HAS2: variants seen among roughly 807,000 people sequenced by gnomAD.
The protein encoded by HAS2 is hyaluronan synthase 2, also known as HA synthase 2.
Under a neutral mutation model 51.6 loss-of-function variants are expected in HAS2, and 16 were observed. The ratio of observed to expected loss-of-function variants is 0.31; its 90% CI spans 0.21 to 0.47. HAS2 has a LOEUF of 0.47. Among genes scored for constraint, HAS2 ranks in the 20% least tolerant of loss-of-function variants. The pLI is 1.00. For synonymous variants in HAS2, 228 were observed against 235.5 expected (o/e 0.97, Z 0.29); for missense variants, 361 against 662.6 (o/e 0.54, Z 5.00).
At chr8:121,616,545 CTT>C (rs1483497560) in intron 3 of HAS2, among the ~76,000 whole-genome samples, 5 of 151,522 alleles carry the variant, frequency 3.3e-5, no homozygotes, top group African/African-American at 7.3e-5. Flanking sequence ...CAAGAATTCT[CTT>C]GTCTCAGCCT....
At chr8:121,629,697 C>T (rs1379247357) in intron 1 of HAS2, among the ~76,000 whole-genome samples, 1 of 152,062 alleles carries the variant, frequency 6.6e-6, no homozygotes, top group Non-Finnish European at 1.5e-5. Flanking sequence ...AGGCAGGGAC[C>T]CTGAAGTTTC....
intron 2 of HAS2, 32 bp downstream of exon 2, chr8:121,628,682 A>C: frequency 6.3e-7 from 1 of 1,596,476 alleles, no homozygotes; most frequent in Non-Finnish European, 8.5e-7. Context: ...ATTTAAATGT[A>C]TGTTTGCCCT....
chr8:121,612,793 G>A lies in HAS2; in HGVS notation c.*1316C>T, dbSNP rs953422329. On this transcript the variant is annotated 3_prime_UTR_variant, in exon 4 of 4. Coordinates refer to ENST00000303924, the MANE Select transcript of HAS2 (RefSeq NM_005328.3). Reference sequence around the variant, plus strand: ...AACAGGAAATAGGAAGTGATGATCTGTGTAATTCAGAAAAACAAAATTCCT... The same window carrying A: ...AACAGGAAATAGGAAGTGATGATCTATGTAATTCAGAAAAACAAAATTCCT... 1.3e-5 allele frequency: 2 copies of A among 152,108 alleles called. No individual in the cohort carries two copies. The highest frequency in any genetic ancestry group is 2.4e-5 in the African/African-American group (1 of 41,426). The allele number at this position is 152,108 out of a possible 1,614,324, so 9.4% of individuals were successfully genotyped here. A position where few individuals can be genotyped will look rare whatever the true frequency, so the allele number is the denominator to read the frequency against.
chr8:121,635,290 A>G (rs1812994126), intron 1 of HAS2, among the ~76,000 whole-genome samples: 2 of 152,178 alleles, frequency 1.3e-5, no homozygotes, highest in South Asian at 4.1e-4. Context: ...CTCCATCTAT[A>G]AAATGGAGCT....
chr8:121,616,358 A>G (rs1330756847), intron 3 of HAS2, among the ~76,000 whole-genome samples: 1 of 151,590 alleles, frequency 6.6e-6, no homozygotes, highest in Non-Finnish European at 1.5e-5. Flanking sequence ...AATCAACCAC[A>G]TATTGATCAT....
At chr8:121,617,308 G>C (rs1812716903) in intron 2 of HAS2, 102 bp from the exon 3 acceptor site, 2 of 651,908 alleles carry the variant, frequency 3.1e-6, no homozygotes. Flanking sequence ...TCATCTTACT[G>C]TCACAAGGCC....
rs1184283602 is a variant in HAS2 at position 121,615,160 on chromosome 8, G to T, written c.730-122C>A. The T allele has an allele frequency of 1.2e-5, 8 of 648,638 alleles. No homozygotes were observed. The South Asian group carries it at 1.3e-4, about 11-fold the overall frequency. The allele number at this position is 648,638 out of a possible 1,614,324, so 40.2% of individuals were successfully genotyped here. On this transcript the variant is annotated intron_variant, in intron 3 of 3. Coordinates refer to ENST00000303924, the MANE Select transcript of HAS2 (RefSeq NM_005328.3). ...TATTTTATCCTCCCATTTTGGCTTC[G>T]TTCCTCTTTTTGGCGTGGTTATTTT...
intron 3 of HAS2, among the ~76,000 whole-genome samples, chr8:121,616,518 C>A (rs1279403619): frequency 6.6e-6 from 1 of 151,446 alleles, no homozygotes; most frequent in African/African-American, 2.4e-5. Context: ...CTCATTGCAA[C>A]CTCCACCTCC....
At chr8:121,637,099 A>G (rs1175210136) in intron 1 of HAS2, among the ~76,000 whole-genome samples, 1 of 152,224 alleles carries the variant, frequency 6.6e-6, no homozygotes, top group Non-Finnish European at 1.5e-5. Context: ...CCTGAAACAT[A>G]CTAGACATGT....
At chr8:121,630,056 T>C (rs1812909793) in intron 1 of HAS2, among the ~76,000 whole-genome samples, 1 of 151,630 alleles carries the variant, frequency 6.6e-6, no homozygotes, top group African/African-American at 2.4e-5. Flanking sequence ...GTACCCTGCA[T>C]AGATGTCTAT....
chr8:121,617,146 C>T lies in HAS2; in HGVS notation c.688G>A (p.Glu230Lys). ...ASSVEMVKVLEEDPMVGGVGG... is the reference protein window; with the variant it reads ...ASSVEMVKVLKEDPMVGGVGG... The stretch of plus-strand genomic sequence containing the variant: ...ACACCTCCAACCATGGGATCTTCTT[C>T]TAAAACTTTTACCATCTCCACAGAT... Residue 230 changes from glutamate (E) to lysine (K), a missense_variant, in exon 3 of 4, where the codon GAA becomes AAA. Physicochemically the swap from Glu to Lys is moderately conservative, Grantham distance 56. Around this residue, in one of 5 missense-constraint regions of HAS2, gnomAD observed 49 missense variants for 108.3 expected, o/e 0.45. Coordinates refer to ENST00000303924, the MANE Select transcript of HAS2 (RefSeq NM_005328.3). The T allele has an allele frequency of 6.2e-7, 1 of 1,612,572 alleles. No individual in the cohort carries two copies. Among genetic ancestry groups the T allele is most frequent in the Non-Finnish European group, 8.5e-7 (1 of 1,178,606 alleles).
chr8:121,614,557 C>T lies in HAS2; in HGVS notation c.1211G>A (p.Trp404Ter). The T allele has an allele frequency of 6.2e-7, 1 of 1,614,088 alleles. No individual in the cohort carries two copies. The highest frequency in any genetic ancestry group is 8.5e-7 in the Non-Finnish European group (1 of 1,179,984). ...VIQLFYRGKI[W>*]NILLFLLTVQ... Reference sequence around the variant, plus strand: ...AGTTAACAAGAAGAGGAGAATGTTCCAAATTTTACCCCGGTAGAAGAGCTG... The same window carrying T: ...AGTTAACAAGAAGAGGAGAATGTTCTAAATTTTACCCCGGTAGAAGAGCTG... The change falls in exon 4 of 4, where the codon TGG becomes TAG. Residue 404 changes from tryptophan to a stop codon, truncating the protein, a stop_gained. Transcript: ENST00000303924. LOFTEE classifies it high-confidence loss of function. The surrounding 1 kb of genome is among the most constrained non-coding windows in gnomAD (Gnocchi z 7.2).
intron 2 of HAS2, among the ~76,000 whole-genome samples, chr8:121,618,614 C>G (rs73708099): frequency 0.045 from 6,831 of 152,252 alleles, 567 homozygotes; most frequent in African/African-American, 0.16. Context: ...CCCTATCCCT[C>G]CAACATTTAC....
Position 121,614,203 on chromosome 8 carries a change from T to C in HAS2, c.1565A>G (p.Tyr522Cys), listed in dbSNP as rs757285235. 1.4e-5 allele frequency: 22 copies of C among 1,613,982 alleles called. No homozygotes were observed. In the East Asian group the frequency reaches 4.9e-4, roughly 36 times the overall value. The part of the protein sequence containing the change: ...LIVGTLLYAC[Y>C]WVMLLTLYVV... ...ATACAGCGTCAAAAGCATGACCCAA[T>C]AGCATGCATAGAGCAACGTTCCAAC... The change falls in exon 4 of 4, where the codon TAT becomes TGT. Residue 522 changes from tyrosine (Y) to cysteine (C), a missense_variant. Transcript: ENST00000303924. The surrounding 1 kb of genome is among the most constrained non-coding windows in gnomAD (Gnocchi z 7.2).
At position 121,629,329 on chromosome 8, in the gene HAS2, C is replaced by G; in HGVS notation, c.12G>C (p.Glu4Asp). MHCERFLCILRIIG... is the reference protein window; with the variant it reads MHCDRFLCILRIIG... Reference sequence around the variant, plus strand: ...TTATTCTCAGGATACATAGAAACCTCTCACAATGCATCTGTAATATAATCA... The same window carrying G: ...TTATTCTCAGGATACATAGAAACCTGTCACAATGCATCTGTAATATAATCA... Residue 4 changes from glutamate to aspartate, a missense_variant, in exon 2 of 4, where the codon GAG becomes GAC. By Grantham distance (45) the Glu-to-Asp change is conservative (BLOSUM62 2). This residue lies in a region of HAS2 where 145 missense variants were observed against 217.6 expected (regional missense o/e 0.67). Coordinates refer to ENST00000303924, the MANE Select transcript of HAS2 (RefSeq NM_005328.3). The G allele has an allele frequency of 6.2e-7, 1 of 1,608,110 alleles. No homozygotes were observed. The highest frequency in any genetic ancestry group is 8.5e-7 in the Non-Finnish European group (1 of 1,176,204).
rs1001182992 is a variant in HAS2, at chr8:121,613,403, TAG to T, written c.*704_*705del. 1.3e-5 allele frequency: 2 copies of T among 152,492 alleles called. No individual in the cohort carries two copies. The highest frequency in any genetic ancestry group is 1.9e-4 in the East Asian group (1 of 5,186). 9.4% of individuals were successfully genotyped at this position (152,492 alleles called of 1,614,324 possible). ...AAATAAACTATTCAATTTTAAAAGGTAGAGAGAGAGAAACATTTTATTCTTTC... is the reference window on the plus strand; with the variant it reads ...AAATAAACTATTCAATTTTAAAAGGTAGAGAGAGAAACATTTTATTCTTTC... On this transcript the variant is annotated 3_prime_UTR_variant, in exon 4 of 4. Coordinates refer to ENST00000303924, the MANE Select transcript of HAS2 (RefSeq NM_005328.3).
At chr8:121,631,356 T>C (rs533678102) in intron 1 of HAS2, among the ~76,000 whole-genome samples, 11 of 152,214 alleles carry the variant, frequency 7.2e-5, no homozygotes, top group African/African-American at 2.7e-4. Context: ...GTCTCTTTTT[T>C]ATTGTTGTTA....
chr8:121,633,765 T>A (rs1345082861), intron 1 of HAS2, among the ~76,000 whole-genome samples: 1 of 152,198 alleles, frequency 6.6e-6, no homozygotes, highest in Non-Finnish European at 1.5e-5. Flanking sequence ...TCACTGGACC[T>A]CGAAGCCATT....
rs549436053 is a variant in HAS2, at chr8:121,636,632, A to T, written c.-1+4221T>A. Among the ~76,000 whole-genome samples, 3 of 152,248 alleles carry T rather than the reference A, an allele frequency of 2.0e-5. No homozygotes were observed. In the South Asian group the frequency reaches 6.2e-4, roughly 32 times the overall value. On this transcript the variant is annotated intron_variant, in intron 1 of 3. Coordinates refer to ENST00000303924, the MANE Select transcript of HAS2 (RefSeq NM_005328.3). ...TTATTTTTAGGATGTGTGTTCTTCCAACTGCTCTACTGGTTCCTGAACTTC... is the reference window on the plus strand; with the variant it reads ...TTATTTTTAGGATGTGTGTTCTTCCTACTGCTCTACTGGTTCCTGAACTTC...
Sources: gnomAD v4.1 joint callset for allele counts (sites outside exome capture counted in the v4.1 genomes callset) on GRCh38, gnomAD v4.1.1 for gene constraint, gnomAD v4.1.1 regional missense constraint, Gnocchi (gnomAD v3.1) non-coding constraint, MANE v1.5 for transcripts, NCBI Gene and HGNC (gene_info 2026-07-23, HGNC 2026-07-21) for gene names.